Variants in DICER1 observed in about 807,000 individuals in gnomAD.
The protein encoded by DICER1 is dicer 1, ribonuclease III, also known as endoribonuclease Dicer.
Under a neutral mutation model 194.1 loss-of-function variants are expected in DICER1, and 43 were observed. The ratio of observed to expected loss-of-function variants is 0.22; its 90% CI spans 0.17 to 0.29. The LOEUF is 0.29. Ranked by LOEUF, DICER1 falls within the 10% of genes least tolerant of loss-of-function variation. The pLI, the probability that DICER1 is intolerant of heterozygous loss-of-function variation, is 1.00. For missense variants in DICER1, 1,608 were observed against 2,317.0 expected, an observed-to-expected ratio of 0.69 and a Z score of 6.28; for synonymous variants, 832 against 820.5, an observed-to-expected ratio of 1.01 and a Z score of -0.24.
At chr14:95,127,195 AC>A (rs2140239519) in intron 6 of DICER1, among the ~76,000 whole-genome samples, 1 of 152,348 alleles carries the variant, frequency 6.6e-6, no homozygotes, top group Non-Finnish European at 1.5e-5. Flanking sequence ...TTTCAGCCAA[AC>A]CCTACTGCCT....
intron 1 of DICER1, among the ~76,000 whole-genome samples, chr14:95,149,368 CA>C (rs1298238414): frequency 6.6e-6 from 1 of 152,180 alleles, no homozygotes; most frequent in African/African-American, 2.4e-5. Flanking sequence ...AGCTTCTGCG[CA>C]ACATCTCATG....
intron 1 of DICER1, among the ~76,000 whole-genome samples, chr14:95,150,103 T>C (rs1895417516): frequency 6.6e-6 from 1 of 152,230 alleles, no homozygotes; most frequent in Non-Finnish European, 1.5e-5. Flanking sequence ...TCAGAAACAA[T>C]TTTAAAGTTC....
At position 95,096,490 on chromosome 14, in the gene DICER1, G is replaced by C. The variant is rs1463264407; in HGVS notation, c.4430C>G (p.Ser1477Cys). The change falls in exon 23 of 27, where the codon TCT becomes TGT. Residue 1477 changes from serine to cysteine, a missense_variant. By Grantham distance (112) the Ser-to-Cys change is moderately radical. Around this residue, in one of 10 missense-constraint regions of DICER1, gnomAD observed 164 missense variants for 183.7 expected, o/e 0.89. Coordinates refer to ENST00000343455, the MANE Select transcript of DICER1 (RefSeq NM_177438.3). ...TTTGGGCATTTTCCATTCATATGCA[G>C]AATCAGTGGTTGAAAAAGGAGAAAG... ...ISLSPFSTTD[S>C]AYEWKMPKKS... 1.2e-6 allele frequency: 2 copies of C among 1,614,034 alleles called. No individual in the cohort carries two copies. The highest frequency in any genetic ancestry group is 2.2e-5 in the East Asian group (1 of 44,904).
chr14:95,131,611 A>T lies in DICER1; in HGVS notation c.336T>A (p.Ala112=). The change falls in exon 4 of 27, where the codon GCT becomes GCA. Residue 112 remains alanine, a synonymous_variant. Transcript: ENST00000343455. ...CCTTGAGATCTGAATGAGTTCTGAC[A>T]GCTGACACTTGTTGAGCAACCTGGT... ...SANQVAQQVS[A]VRTHSDLKVG... 6.2e-7 allele frequency: 1 copy of T among 1,613,810 alleles called. No homozygotes were observed.
In DICER1 at chr14:95,087,186, C is replaced by A. The variant is rs180705469; in HGVS notation, c.*3312G>T. 4.3e-5 allele frequency: 10 copies of A among 233,320 alleles called. No individual in the cohort carries two copies. The East Asian group carries it at 5.5e-4, about 13-fold the overall frequency. 14.5% of individuals were successfully genotyped at this position (233,320 alleles called of 1,614,324 possible). A position where few individuals can be genotyped will look rare whatever the true frequency, so the allele number is the denominator to read the frequency against. On this transcript the variant is annotated 3_prime_UTR_variant, in exon 27 of 27. Coordinates refer to ENST00000343455, the MANE Select transcript of DICER1 (RefSeq NM_177438.3). ...GAACACCTGGATTCATGAACCAAAG[C>A]AGCCTCAAGTTTCATGTTGTCAAGG...
rs1060503654 is a variant in DICER1 at position 95,103,600 on chromosome 14, C to G, written c.3796G>C (p.Asp1266His). ...CTGCCCTTGAGCACTTGAATAGTGT[C>G]TGTCGTACCAGGCATTACGGCCATC... ...PVMAVMPGTT[D>H]TIQVLKGRMD... Residue 1266 changes from aspartate (D) to histidine (H), a missense_variant, in exon 21 of 27, where the codon GAC (aspartate) becomes CAC (histidine). Physicochemically the swap from Asp to His is moderately conservative, Grantham distance 81. Transcript: ENST00000343455. 1 of 1,614,198 alleles carries G rather than the reference C, an allele frequency of 6.2e-7. No individual in the cohort carries two copies. The highest frequency in any genetic ancestry group is 8.5e-7 in the Non-Finnish European group (1 of 1,180,028).
chr14:95,128,464 G>A (rs897753642), intron 6 of DICER1, among the ~76,000 whole-genome samples: 3 of 152,164 alleles, frequency 2.0e-5, no homozygotes, highest in East Asian at 3.9e-4. Context: ...TCTAGAGGTC[G>A]TAAGATTTAT....
chr14:95,099,739 C>G (rs1296564340), intron 22 of DICER1, 41 bp downstream of exon 22: 2 of 1,015,302 alleles, frequency 2.0e-6, no homozygotes, highest in Non-Finnish European at 2.6e-6. Flanking sequence ...GTTACACACA[C>G]ACACACACAC....
At chr14:95,138,645 T>A (rs1310099491) in intron 1 of DICER1, among the ~76,000 whole-genome samples, 1 of 152,072 alleles carries the variant, frequency 6.6e-6, no homozygotes, top group African/African-American at 2.4e-5. Context: ...CACTCATGAC[T>A]GCCTGACTTC....
intron 24 of DICER1, among the ~76,000 whole-genome samples, chr14:95,092,699 A>G (rs1889954307): frequency 6.6e-6 from 1 of 152,258 alleles, no homozygotes; most frequent in Non-Finnish European, 1.5e-5. Context: ...TAACTTCTAT[A>G]CATATGTTTA....
intron 1 of DICER1, among the ~76,000 whole-genome samples, chr14:95,139,335 A>C (rs1894674532): frequency 6.6e-6 from 1 of 152,232 alleles, no homozygotes; most frequent in Admixed American, 6.5e-5. Context: ...TAGGAGCTGC[A>C]TATCTTACCC....
At chr14:95,147,169 G>A (rs1301109847) in intron 1 of DICER1, among the ~76,000 whole-genome samples, 1 of 152,202 alleles carries the variant, frequency 6.6e-6, no homozygotes, top group Non-Finnish European at 1.5e-5. Context: ...TTTAGGTATT[G>A]AAAACATCCT....
Position 95,113,204 on chromosome 14 carries a change from C to A in DICER1, c.1928G>T (p.Ser643Ile). 1 of 1,613,874 alleles carries A rather than the reference C, an allele frequency of 6.2e-7. No individual in the cohort carries two copies. ...AGGAGCTAGATGAGTAAACGGATCA[C>A]TTGGTAATCTAGCACAGTATCTGTG... ...HINRYCARLP[S>I]DPFTHLAPKC... is the part of the protein sequence containing the mutation. Residue 643 changes from serine (S) to isoleucine (I), a missense_variant, in exon 12 of 27, where the codon AGT (serine) becomes ATT (isoleucine). Coordinates refer to ENST00000343455, the MANE Select transcript of DICER1 (RefSeq NM_177438.3).
In DICER1 at chr14:95,150,401, G is replaced by A. The variant is rs191731157; in HGVS notation, c.-46+6829C>T. Among the ~76,000 whole-genome samples, 9 of 152,238 alleles carry A rather than the reference G, an allele frequency of 5.9e-5. No homozygotes were observed. In the East Asian group the frequency reaches 9.6e-4, roughly 16 times the overall value. On this transcript the variant is annotated intron_variant, in intron 1 of 26. Transcript: ENST00000343455. ...CTCAGGAGGCTGACACAGGAGAATCGCTTGAACCCAGGAGCCAGAGGTTGC... is the reference window on the plus strand; with the variant it reads ...CTCAGGAGGCTGACACAGGAGAATCACTTGAACCCAGGAGCCAGAGGTTGC...
At chr14:95,129,065 T>C (rs1005998857) in intron 6 of DICER1, 1 of 159,566 alleles carries the variant, frequency 6.3e-6, no homozygotes, top group African/African-American at 2.4e-5. Context: ...AAGGGGTATT[T>C]CCAAACATTT....
rs1254082574 is a variant in DICER1 at position 95,099,909 on chromosome 14, A to C, written c.4077T>G (p.Leu1359=). The change falls in exon 22 of 27, where the codon CTT becomes CTG. Residue 1359 remains leucine, a synonymous_variant. Transcript: ENST00000343455. ...KKVSNCNLYR[L]GKKKGLPSRM... ...GGCTGGGTAGTCCCTTCTTTTTTCC[A>C]AGGCGATACAGATTACAGTTGCTGA... 6.2e-7 allele frequency: 1 copy of C among 1,614,094 alleles called. No individual in the cohort carries two copies. Among genetic ancestry groups the C allele is most frequent in the South Asian group, 1.1e-5 (1 of 91,082 alleles).
chr14:95,116,514 G>A lies in DICER1; in HGVS notation c.1691C>T (p.Ala564Val), dbSNP rs201298288. Residue 564 changes from alanine (A) to valine (V), a missense_variant, in exon 10 of 27, where the codon GCG (alanine) becomes GTG (valine). By Grantham distance (64) the Ala-to-Val change is moderately conservative (BLOSUM62 0). Coordinates refer to ENST00000343455, the MANE Select transcript of DICER1 (RefSeq NM_177438.3). Reference protein sequence around the residue: ...RAPISNYIMLADTDKIKSFEE... With the variant: ...RAPISNYIMLVDTDKIKSFEE... Reference sequence around the variant, plus strand: ...AAAACTTTTTATTTTGTCTGTATCCGCTAACATTATATAATTAGAGATGGG... The same window carrying A: ...AAAACTTTTTATTTTGTCTGTATCCACTAACATTATATAATTAGAGATGGG... The A allele has an allele frequency of 2.0e-5, 33 of 1,613,286 alleles. No individual in the cohort carries two copies. Among genetic ancestry groups the A allele is most frequent in the African/African-American group, 2.7e-5 (2 of 74,930 alleles).
chr14:95,090,709 T>C (rs1566745149), intron 26 of DICER1, 46 bp from the exon 27 acceptor site: 23 of 1,606,806 alleles, frequency 1.4e-5, no homozygotes, highest in Non-Finnish European at 1.8e-5. Context: ...GAAGTATTTA[T>C]TATCATTGTC....
intron 1 of DICER1, among the ~76,000 whole-genome samples, chr14:95,137,342 G>A (rs1595479517): frequency 7.3e-6 from 1 of 137,038 alleles, no homozygotes; most frequent in Non-Finnish European, 1.5e-5. Context: ...GAAAGGGGAA[G>A]GGGAAGGGAA....
Sources: gnomAD v4.1 joint callset for allele counts (sites outside exome capture counted in the v4.1 genomes callset) on GRCh38, gnomAD v4.1.1 for gene constraint, gnomAD v4.1.1 regional missense constraint, MANE v1.5 for transcripts, NCBI Gene and HGNC (gene_info 2026-07-23, HGNC 2026-07-21) for gene names.